The following NEGR1 variants were observed in gnomAD, a reference collection of about 807,000 sequenced individuals.
The protein encoded by NEGR1 is neuronal growth regulator 1.
In NEGR1, 10 loss-of-function variants were observed where a neutral mutation model predicts 40.9. The observed-to-expected ratio is 0.24, with a 90% confidence interval of 0.15 to 0.42. The LOEUF (loss-of-function observed/expected upper bound fraction) is 0.42, where lower values mean the gene tolerates loss of function less well. Among genes scored for constraint, NEGR1 ranks in the 10% least tolerant of loss-of-function variants. NEGR1 has a pLI of 1.00. For synonymous variants in NEGR1, 185 were observed against 166.8 expected (o/e 1.11, Z -0.84); for missense variants, 352 against 438.9 (o/e 0.80, Z 1.77).
intron 2 of NEGR1, among the ~76,000 whole-genome samples, chr1:71,923,963 CA>C (rs1206594921): frequency 2.6e-5 from 4 of 151,426 alleles, no homozygotes; most frequent in Non-Finnish European, 4.4e-5. Context: ...GGCTGGAGTG[CA>C]GTGGCACGAT....
chr1:71,942,313 C>G (rs895321014), intron 1 of NEGR1, among the ~76,000 whole-genome samples: 2 of 149,250 alleles, frequency 1.3e-5, no homozygotes, highest in Non-Finnish European at 3.0e-5. Context: ...GAAAATTAAG[C>G]TTTGTGAATT....
At chr1:71,685,560 T>C (rs1312637156) in intron 4 of NEGR1, among the ~76,000 whole-genome samples, 1 of 152,172 alleles carries the variant, frequency 6.6e-6, no homozygotes, top group Non-Finnish European at 1.5e-5. Context: ...GACTTTGTTC[T>C]CTGTCCGCAT....
chr1:72,129,293 T>C (rs999801016), intron 1 of NEGR1, among the ~76,000 whole-genome samples: 1 of 152,214 alleles, frequency 6.6e-6, no homozygotes, highest in East Asian at 1.9e-4. Flanking sequence ...GTCACATTTA[T>C]GTTATTGATT....
chr1:71,975,827 C>T (rs1188466642), intron 1 of NEGR1, among the ~76,000 whole-genome samples: 1 of 152,150 alleles, frequency 6.6e-6, no homozygotes, highest in Non-Finnish European at 1.5e-5. Flanking sequence ...TCCCTCCCAG[C>T]TCAAAACTTT....
chr1:72,242,222 A>G, intron 1 of NEGR1, among the ~76,000 whole-genome samples: 1 of 151,704 alleles, frequency 6.6e-6, no homozygotes, highest in Non-Finnish European at 1.5e-5. Context: ...ATTGCTCTGA[A>G]AACAACTTCT....
At chr1:71,865,042 C>T (rs1339179600) in intron 2 of NEGR1, among the ~76,000 whole-genome samples, 2 of 151,992 alleles carry the variant, frequency 1.3e-5, no homozygotes, top group Non-Finnish European at 2.9e-5. Context: ...ACAAGTTTTT[C>T]AATGAAAAGA....
chr1:71,915,993 C>A (rs1213351847), intron 2 of NEGR1, among the ~76,000 whole-genome samples: 1 of 151,960 alleles, frequency 6.6e-6, no homozygotes, highest in Non-Finnish European at 1.5e-5. Flanking sequence ...TAGGAAAGAA[C>A]AAAAACACAG....
chr1:72,136,417 G>T (rs1045338826), intron 1 of NEGR1, among the ~76,000 whole-genome samples: 3 of 151,482 alleles, frequency 2.0e-5, no homozygotes, highest in Admixed American at 1.3e-4. Flanking sequence ...ATACAGAGAA[G>T]AAATAATTTA....
chr1:71,670,113 T>C (rs1198864067), intron 4 of NEGR1, among the ~76,000 whole-genome samples: 2 of 152,230 alleles, frequency 1.3e-5, no homozygotes, highest in Non-Finnish European at 2.9e-5. Flanking sequence ...AGAACATTTT[T>C]AGGTTTTCTT....
chr1:71,690,469 C>T (rs1375460034), intron 4 of NEGR1, among the ~76,000 whole-genome samples: 1 of 151,376 alleles, frequency 6.6e-6, no homozygotes, highest in South Asian at 2.1e-4. Context: ...GCAAAAGGCA[C>T]CCTGCGATGA....
chr1:71,942,484 T>TATATATATATATATATATA lies in NEGR1; in HGVS notation c.177-7174_177-7173insTATATATATATATATATAT, dbSNP rs34446850. ...ATATATATATATATATATATATATA[T>TATATATATATATATATATA]TTTTTTTTTTTTTTTTTTTTTTTTT... On this transcript the variant is annotated intron_variant, in intron 1 of 6. Transcript: ENST00000357731. Among the ~76,000 whole-genome samples, 47 of 4,714 alleles carry TATATATATATATATATATA rather than the reference T, an allele frequency of 1.0e-2. 1 individual carries two copies. Among genetic ancestry groups the TATATATATATATATATATA allele is most frequent in the South Asian group, 0.017 (1 of 58 alleles). 3.1% of individuals were successfully genotyped at this position (4,714 alleles called of 152,430 possible).
chr1:72,275,140 G>A (rs754989892), intron 1 of NEGR1: 2 of 724,496 alleles, frequency 2.8e-6, no homozygotes, highest in South Asian at 1.5e-5. Context: ...CCGCACGTAC[G>A]ATGCCACCCA....
At chr1:71,519,729 T>TAAA (rs202110594) in intron 6 of NEGR1, among the ~76,000 whole-genome samples, 4 of 128,766 alleles carry the variant, frequency 3.1e-5, no homozygotes, top group Non-Finnish European at 6.6e-5. Flanking sequence ...TAGAGTATAA[T>TAAA]AAAAAAAAAA....
At position 72,090,038 on chromosome 1, in the gene NEGR1, T is replaced by C. The variant is rs191989891; in HGVS notation, c.177-154727A>G. Among the ~76,000 whole-genome samples the C allele has an allele frequency of 1.5e-3, 234 of 152,252 alleles. 2 individuals are homozygous for C. The highest frequency in any genetic ancestry group is 0.014 in the Admixed American group (213 of 15,282). On this transcript the variant is annotated intron_variant, in intron 1 of 6. Transcript: ENST00000357731. ...ACAGCTTGTTGTTAGATTTTAGTCT[T>C]TGTCAAAAAAATTAGATAAAAATAT...
chr1:71,467,489 G>T (rs1044166008), intron 6 of NEGR1, among the ~76,000 whole-genome samples: 1 of 151,924 alleles, frequency 6.6e-6, no homozygotes, highest in Non-Finnish European at 1.5e-5. Flanking sequence ...TTTTTAAAAA[G>T]AGGTTTTTAA....
intron 4 of NEGR1, among the ~76,000 whole-genome samples, chr1:71,633,791 C>T (rs991496838): frequency 1.3e-5 from 2 of 152,176 alleles, no homozygotes; most frequent in South Asian, 2.1e-4. Context: ...CAGGATATAA[C>T]CATGTTCTCA....
At chr1:71,848,901 C>A (rs2101810341) in intron 2 of NEGR1, among the ~76,000 whole-genome samples, 1 of 152,118 alleles carries the variant, frequency 6.6e-6, no homozygotes, top group Non-Finnish European at 1.5e-5. Flanking sequence ...ACCAGCCTGA[C>A]CAACATGGTG....
intron 2 of NEGR1, among the ~76,000 whole-genome samples, chr1:71,923,164 A>G (rs540598938): frequency 2.3e-4 from 35 of 152,134 alleles, no homozygotes; most frequent in Non-Finnish European, 4.3e-4. Flanking sequence ...TAAGATAGAT[A>G]CGATCCATAT....
rs911784915 is a variant in NEGR1, at chr1:71,595,100, A to C, written c.789-2132T>G. 2.6e-5 allele frequency among the ~76,000 whole-genome samples: 4 copies of C among 152,150 alleles called. No individual in the cohort carries two copies. In the East Asian group the frequency reaches 7.7e-4, roughly 29 times the overall value. The stretch of plus-strand genomic sequence containing the variant: ...TTAGCTTCCAGTTCCCTGCCCTTAA[A>C]TGTATCTGAAGGCACAGCCACAGAT... On this transcript the variant is annotated intron_variant, in intron 5 of 6. Transcript: ENST00000357731.
Sources: allele counts gnomAD v4.1 joint callset (sites outside exome capture counted in the v4.1 genomes callset), GRCh38; gene constraint gnomAD v4.1.1; transcripts MANE v1.5; gene names NCBI Gene and HGNC (gene_info 2026-07-23, HGNC 2026-07-21).